The following HYDIN variants were observed in gnomAD, a reference collection of about 807,000 sequenced individuals.
HYDIN encodes HYDIN axonemal central pair apparatus protein, also known as axonemal central pair apparatus protein HYDIN.
A neutral mutation model predicts 403.9 loss-of-function variants in HYDIN; 132 were observed. That is an observed-to-expected ratio of 0.33 (90% confidence interval 0.28 to 0.38). The LOEUF (loss-of-function observed/expected upper bound fraction) is 0.38. Among genes scored for constraint, HYDIN ranks in the 10% least tolerant of loss-of-function variants. HYDIN has a pLI of 1.00. For missense variants in HYDIN, 2,827 were observed against 5,009.5 expected, an observed-to-expected ratio of 0.56 and a Z score of 13.15; for synonymous variants, 1,202 against 1,891.7, an observed-to-expected ratio of 0.64 and a Z score of 9.46.
intron 35 of HYDIN, 68 bp from the exon 36 acceptor site, chr16:70,970,827 C>G: frequency 1.3e-6 from 2 of 1,504,940 alleles, no homozygotes; most frequent in Non-Finnish European, 1.8e-6. Flanking sequence ...AAACAAAACA[C>G]TGCTGAGGGG....
chr16:70,914,067 T>C (rs1198300347), intron 47 of HYDIN, among the ~76,000 whole-genome samples: 2 of 151,108 alleles, frequency 1.3e-5, no homozygotes, highest in African/African-American at 4.8e-5. Context: ...TGAATTCTTA[T>C]CCATTCTGCA....
chr16:71,110,476 A>ATTC (rs2083785298), intron 10 of HYDIN, among the ~76,000 whole-genome samples: 1 of 141,978 alleles, frequency 7.0e-6, no homozygotes, highest in African/African-American at 2.6e-5. Flanking sequence ...AACATATATA[A>ATTC]ATATATATAA....
chr16:70,868,522 T>A (rs766208519), intron 66 of HYDIN, 48 bp downstream of exon 66: 25 of 1,566,322 alleles, frequency 1.6e-5, no homozygotes, highest in Non-Finnish European at 2.2e-5. Flanking sequence ...CCAGTAGGAA[T>A]CCAAGCATGG....
In HYDIN at chr16:71,204,862, A is replaced by G. The variant is rs560107771; in HGVS notation, c.-23-17944T>C. Among the ~76,000 whole-genome samples, 25 of 152,320 alleles carry G rather than the reference A, an allele frequency of 1.6e-4. No individual in the cohort carries two copies. The South Asian group carries it at 4.8e-3, about 29-fold the overall frequency. The stretch of plus-strand genomic sequence containing the variant: ...AGATATTCTTCTAAAAGTGAAGAGG[A>G]CTTCCACTTCTAGTAATGGCAACTA... On this transcript the variant is annotated intron_variant, in intron 1 of 85. Coordinates refer to ENST00000393567, the MANE Select transcript of HYDIN (RefSeq NM_001270974.2).
In HYDIN at chr16:71,217,739, G is replaced by A. The variant is rs372391503; in HGVS notation, c.-24+12823C>T. 3.3e-5 allele frequency among the ~76,000 whole-genome samples: 5 copies of A among 152,082 alleles called. No homozygotes were observed. In the East Asian group the frequency reaches 5.8e-4, roughly 18 times the overall value. ...CCTAAAATCATTGAAAGTATACTTGGGACTATTTATGCTCATGGCAAACAA... is the reference window on the plus strand; with the variant it reads ...CCTAAAATCATTGAAAGTATACTTGAGACTATTTATGCTCATGGCAAACAA... On this transcript the variant is annotated intron_variant, in intron 1 of 85. Coordinates refer to ENST00000393567, the MANE Select transcript of HYDIN (RefSeq NM_001270974.2).
intron 83 of HYDIN, among the ~76,000 whole-genome samples, chr16:70,821,342 TGAA>T (rs1225803941): frequency 2.6e-5 from 4 of 151,912 alleles, no homozygotes; most frequent in South Asian, 4.2e-4. Context: ...CCCTTCAGAC[TGAA>T]GAAGATCTAT....
rs763804130 is a variant in HYDIN, at chr16:70,920,605, G to A, written c.7771C>T (p.Pro2591Ser). 1.2e-6 allele frequency: 2 copies of A among 1,612,916 alleles called. No individual in the cohort carries two copies. Among genetic ancestry groups the A allele is most frequent in the African/African-American group, 1.3e-5 (1 of 74,904 alleles). Residue 2591 changes from proline (P) to serine (S), a missense_variant, in exon 46 of 86, where the codon CCC becomes TCC. Transcript: ENST00000393567. The part of the protein sequence containing the change: ...WKQALESDKL[P>S]KGEQILDILG... ...AGAGTCCATACCTGCTCTCCTTTGG[G>A]AAGCTTGTCGCTCTCTAGGGCCTGC...
chr16:70,825,220 T>C (rs1182777244), intron 83 of HYDIN, among the ~76,000 whole-genome samples: 1 of 152,238 alleles, frequency 6.6e-6, no homozygotes, highest in Non-Finnish European at 1.5e-5. Context: ...AGTCTTATGT[T>C]ACCATGATTA....
intron 70 of HYDIN, 27 bp from the exon 71 acceptor site, chr16:70,860,233 A>T: frequency 6.2e-7 from 1 of 1,606,676 alleles, no homozygotes; most frequent in Non-Finnish European, 8.5e-7. Context: ...GAATTGACAG[A>T]AGAGAGTGGG....
chr16:71,144,198 T>A (rs1196696018), intron 7 of HYDIN, among the ~76,000 whole-genome samples: 1 of 152,234 alleles, frequency 6.6e-6, no homozygotes, highest in Non-Finnish European at 1.5e-5. Flanking sequence ...TTCTTTTTTT[T>A]ATTTTGTTCA....
At chr16:70,981,249 T>C (rs942561243) in intron 29 of HYDIN, 142 bp downstream of exon 29, 2 of 1,315,668 alleles carry the variant, frequency 1.5e-6, no homozygotes, top group African/African-American at 1.5e-5. Context: ...AGGTCACCAA[T>C]TTGGCAATTG....
At position 71,039,366 on chromosome 16, in the gene HYDIN, C is replaced by T. The variant is rs551698325; in HGVS notation, c.2530-7449G>A. On this transcript the variant is annotated intron_variant, in intron 18 of 85. Coordinates refer to ENST00000393567, the MANE Select transcript of HYDIN (RefSeq NM_001270974.2). ...TCCTGCTGGTACCCTCCCCAGTCTA[C>T]ACTGTTGACAGTGATAGGGACGGGG... is the stretch of plus-strand genomic sequence containing the variant. Among the ~76,000 whole-genome samples, 455 of 152,304 alleles carry T rather than the reference C, an allele frequency of 3.0e-3. 2 individuals are homozygous for T. Among genetic ancestry groups the T allele is most frequent in the African/African-American group, 0.01 (436 of 41,558 alleles).
chr16:71,109,432 G>A lies in HYDIN; in HGVS notation c.1327+6264C>T, dbSNP rs1239638182. ...ATACGTATTTGCTTCTACATGCCAC[G>A]TTTATCTTAAAGCAAAGGAAAACAA... On this transcript the variant is annotated intron_variant, in intron 10 of 85. Coordinates refer to ENST00000393567, the MANE Select transcript of HYDIN (RefSeq NM_001270974.2). 2.2e-5 allele frequency among the ~76,000 whole-genome samples: 3 copies of A among 137,232 alleles called. 1 individual carries two copies. Among genetic ancestry groups the A allele is most frequent in the African/African-American group, 1.1e-4 (3 of 27,276 alleles). 90.0% of individuals were successfully genotyped at this position (137,232 alleles called of 152,430 possible).
At chr16:71,055,935 G>T (rs968589229) in intron 18 of HYDIN, among the ~76,000 whole-genome samples, 6 of 152,090 alleles carry the variant, frequency 3.9e-5, no homozygotes, top group Admixed American at 2.0e-4. Flanking sequence ...CCATTAAAAG[G>T]AGGCATCTGT....
chr16:71,020,368 A>G (rs1216909127), intron 21 of HYDIN, 51 bp from the exon 22 acceptor site: 1 of 1,573,348 alleles, frequency 6.4e-7, no homozygotes, highest in Non-Finnish European at 8.6e-7. Flanking sequence ...AAATACAGTA[A>G]GCTTTTAGCA....
intron 30 of HYDIN, among the ~76,000 whole-genome samples, chr16:70,975,566 T>TG (rs2078863343): frequency 1.4e-5 from 2 of 144,638 alleles, no homozygotes; most frequent in Admixed American, 7.0e-5. Flanking sequence ...ATAACTTGAA[T>TG]GGATTACAAG....
chr16:70,993,139 C>A (rs2079413446), intron 23 of HYDIN, among the ~76,000 whole-genome samples: 1 of 152,222 alleles, frequency 6.6e-6, no homozygotes, highest in East Asian at 1.9e-4. Context: ...TTGGAAGCTT[C>A]AGAGCATTTC....
rs758729589 is a variant in HYDIN at position 70,945,479 on chromosome 16, G to T, written c.6532-1530C>A. On this transcript the variant is annotated intron_variant, in intron 41 of 85. Coordinates refer to ENST00000393567, the MANE Select transcript of HYDIN (RefSeq NM_001270974.2). ...TGCACTCGGGAAGAAATTAGAGCTG[G>T]CAATAGAATTTCGAGAGTCATAAGC... 8.6e-4 allele frequency among the ~76,000 whole-genome samples: 131 copies of T among 152,214 alleles called. 3 individuals carry two copies. The highest frequency in any genetic ancestry group is 1.6e-4 in the Non-Finnish European group (11 of 68,048).
intron 1 of HYDIN, among the ~76,000 whole-genome samples, chr16:71,209,132 T>A (rs190827663): frequency 6.7e-6 from 1 of 150,022 alleles, no homozygotes; most frequent in East Asian, 1.9e-4. Context: ...TAAGCATAGA[T>A]GAAAAATCCT....
Sources: allele counts gnomAD v4.1 joint callset (sites outside exome capture counted in the v4.1 genomes callset), GRCh38; gene constraint gnomAD v4.1.1; transcripts MANE v1.5; gene names NCBI Gene and HGNC (gene_info 2026-07-23, HGNC 2026-07-21).